PACS1: variants seen among roughly 807,000 people sequenced by gnomAD.
PACS1 encodes PACS-1.
Under a neutral mutation model 115.0 loss-of-function variants are expected in PACS1, and 24 were observed. The observed-to-expected ratio is 0.21, with a 90% CI of 0.15 to 0.29. The LOEUF is 0.29. Ranked by LOEUF, PACS1 falls within the 10% of genes least tolerant of loss-of-function variation. The pLI is 1.00. For missense variants in PACS1, 838 were observed against 1,251.2 expected (o/e 0.67, Z 4.98); for synonymous variants, 453 against 504.5 (o/e 0.90, Z 1.37).
At chr11:66,206,138 ACT>A (rs1208801565) in intron 2 of PACS1, among the ~76,000 whole-genome samples, 3 of 152,052 alleles carry the variant, frequency 2.0e-5, no homozygotes, top group African/African-American at 7.2e-5. Context: ...ACAGAGTGAG[ACT>A]CTGTCTCAAA....
At chr11:66,240,510 C>A (rs977130779) in intron 21 of PACS1, among the ~76,000 whole-genome samples, 1 of 152,172 alleles carries the variant, frequency 6.6e-6, no homozygotes, top group South Asian at 2.1e-4. Flanking sequence ...TTGGGTGGCA[C>A]GAAGCCTGCC....
At chr11:66,240,564 C>T (rs1189950226) in intron 21 of PACS1, among the ~76,000 whole-genome samples, 1 of 152,150 alleles carries the variant, frequency 6.6e-6, no homozygotes, top group African/African-American at 2.4e-5. Context: ...AGCCTCTGCT[C>T]CTCGGGGCAC....
At chr11:66,157,927 G>A (rs1437300706) in intron 1 of PACS1, among the ~76,000 whole-genome samples, 1 of 152,008 alleles carries the variant, frequency 6.6e-6, no homozygotes, top group East Asian at 1.9e-4. Context: ...AGCAAGCGGT[G>A]CTTATCCACA....
At position 66,208,471 on chromosome 11, in the gene PACS1, C is replaced by T. The variant is rs79066089; in HGVS notation, c.445-1891C>T. 1.7e-4 allele frequency among the ~76,000 whole-genome samples: 26 copies of T among 151,690 alleles called. No individual in the cohort carries two copies. The East Asian group carries it at 3.1e-3, about 18-fold the overall frequency. On this transcript the variant is annotated intron_variant, in intron 2 of 23. Transcript: ENST00000320580. ...CATCTCTACAAATAAAAAATAAAAA[C>T]GGTAAAAATAATGTTTCAATGAACA...
intron 1 of PACS1, among the ~76,000 whole-genome samples, chr11:66,128,801 T>C (rs759513666): frequency 6.6e-6 from 1 of 151,808 alleles, no homozygotes; most frequent in Non-Finnish European, 1.5e-5. Context: ...GGAGAATCAC[T>C]TGAACCCGTG....
At chr11:66,151,514 CGTT>C (rs1565125663) in intron 1 of PACS1, among the ~76,000 whole-genome samples, 2 of 152,144 alleles carry the variant, frequency 1.3e-5, no homozygotes, top group African/African-American at 4.8e-5. Context: ...CTAGGCTAGA[CGTT>C]GTAAGAGCTG....
intron 1 of PACS1, among the ~76,000 whole-genome samples, chr11:66,114,075 G>T (rs908132168): frequency 6.6e-6 from 1 of 151,342 alleles, no homozygotes. Context: ...CATTGTTTAC[G>T]TAAGCAGAAT....
In PACS1 at chr11:66,212,923, C is replaced by A. The variant is rs377734566; in HGVS notation, c.660+1664C>A. Among the ~76,000 whole-genome samples the A allele has an allele frequency of 7.9e-5, 12 of 152,336 alleles. No individual in the cohort carries two copies. In the East Asian group the frequency reaches 9.6e-4, roughly 12 times the overall value. ...GGAGTGCGCTGGCACAATCTCGGCTCACTGCAACCTCTACCTCCCGGGTTC... is the reference window on the plus strand; with the variant it reads ...GGAGTGCGCTGGCACAATCTCGGCTAACTGCAACCTCTACCTCCCGGGTTC... On this transcript the variant is annotated intron_variant, in intron 4 of 23. Transcript: ENST00000320580.
At chr11:66,199,801 T>C (rs1419108939) in intron 2 of PACS1, among the ~76,000 whole-genome samples, 2 of 146,442 alleles carry the variant, frequency 1.4e-5, no homozygotes, top group Non-Finnish European at 3.0e-5. Flanking sequence ...GGGCAAATCA[T>C]GAGGTCAGGA....
chr11:66,094,628 C>T (rs1318844223), intron 1 of PACS1, among the ~76,000 whole-genome samples: 1 of 152,200 alleles, frequency 6.6e-6, no homozygotes, highest in Non-Finnish European at 1.5e-5. Flanking sequence ...CAAGGAGGAA[C>T]TGGTACCATT....
chr11:66,227,486 T>G lies in PACS1; in HGVS notation c.1294-18T>G, dbSNP rs1855490959. On this transcript the variant is annotated intron_variant, in intron 10 of 23. Coordinates refer to ENST00000320580, the MANE Select transcript of PACS1 (RefSeq NM_018026.4). Reference sequence around the variant, plus strand: ...AGTTATTTGGATCAGTGATAACTAATTCTTATAATTTTTGCAGATGGAATT... The same window carrying G: ...AGTTATTTGGATCAGTGATAACTAAGTCTTATAATTTTTGCAGATGGAATT... 1.4e-6 allele frequency: 2 copies of G among 1,455,272 alleles called. No homozygotes were observed. The highest frequency in any genetic ancestry group is 2.8e-5 in the African/African-American group (2 of 71,642). The allele number at this position is 1,455,272 out of a possible 1,614,324, so 90.1% of individuals were successfully genotyped here. A position where few individuals can be genotyped will look rare whatever the true frequency, so the allele number is the denominator to read the frequency against.
At chr11:66,080,252 A>C (rs755335083) in intron 1 of PACS1, among the ~76,000 whole-genome samples, 27 of 152,174 alleles carry the variant, frequency 1.8e-4, no homozygotes, top group Non-Finnish European at 3.7e-4. Flanking sequence ...CCAAGCACTG[A>C]TCTAGGCTCT....
chr11:66,147,678 T>C (rs1050337276), intron 1 of PACS1, among the ~76,000 whole-genome samples: 16 of 152,032 alleles, frequency 1.1e-4, no homozygotes, highest in African/African-American at 3.9e-4. Context: ...ACATGTAGAA[T>C]AGAGAGTAAA....
intron 1 of PACS1, among the ~76,000 whole-genome samples, chr11:66,124,688 A>G (rs183973146): frequency 8.5e-5 from 13 of 152,308 alleles, no homozygotes; most frequent in Non-Finnish European, 1.3e-4. Context: ...CATAAGTCTC[A>G]TGGTGTGTCA....
chr11:66,200,920 CA>C (rs35529109), intron 2 of PACS1, among the ~76,000 whole-genome samples: 222 of 138,608 alleles, frequency 1.6e-3, no homozygotes, highest in Admixed American at 1.7e-3. Context: ...TTAAAACATT[CA>C]AAAAAAAAAA....
intron 1 of PACS1, among the ~76,000 whole-genome samples, chr11:66,099,805 C>G (rs1229893031): frequency 6.6e-6 from 1 of 152,142 alleles, no homozygotes; most frequent in Non-Finnish European, 1.5e-5. Flanking sequence ...CTTGGCCTCC[C>G]AAAATGCTGG....
chr11:66,224,907 G>A (rs1841693151), intron 10 of PACS1, among the ~76,000 whole-genome samples: 2 of 152,034 alleles, frequency 1.3e-5, no homozygotes, highest in Non-Finnish European at 2.9e-5. Context: ...CTTGCTTTTT[G>A]TTCCCCACAT....
chr11:66,233,106 C>T lies in PACS1; in HGVS notation c.1838+40C>T, dbSNP rs372489500. 3 of 1,419,710 alleles carry T rather than the reference C, an allele frequency of 2.1e-6. No individual in the cohort carries two copies. The highest frequency in any genetic ancestry group is 3.0e-6 in the Non-Finnish European group (3 of 1,014,976). 87.9% of individuals were successfully genotyped at this position (1,419,710 alleles called of 1,614,324 possible). A position where few individuals can be genotyped will look rare whatever the true frequency, so the allele number is the denominator to read the frequency against. On this transcript the variant is annotated intron_variant, in intron 15 of 23. Transcript: ENST00000320580. The surrounding 1 kb of genome is among the most constrained non-coding windows in gnomAD (Gnocchi z 4.5). ...CTCCCTTCTCCTGCCCTTAGAGATT[C>T]CCTCTGACCTCATCTTCCAACCCTG...
In PACS1 at chr11:66,216,766, C is replaced by T; in HGVS notation, c.969C>T (p.Ala323=). Residue 323 remains alanine (A), a synonymous_variant, in exon 7 of 24, where the codon GCC becomes GCT. Transcript: ENST00000320580. The part of the protein sequence containing the change: ...KTRRKLTSTS[A]ITRQPNIKQK... ...GGAGGAAACTAACCTCAACCTCTGC[C>T]ATCACAAGGGTGAGCCTCAAAGGTC... The T allele has an allele frequency of 6.2e-7, 1 of 1,613,138 alleles. No homozygotes were observed. Among genetic ancestry groups the T allele is most frequent in the Non-Finnish European group, 8.5e-7 (1 of 1,179,240 alleles).
Sources: gnomAD v4.1 joint callset for allele counts (sites outside exome capture counted in the v4.1 genomes callset) on GRCh38, gnomAD v4.1.1 for gene constraint, Gnocchi (gnomAD v3.1) non-coding constraint, MANE v1.5 for transcripts, NCBI Gene and HGNC (gene_info 2026-07-23, HGNC 2026-07-21) for gene names.